Variants in CD164 observed in about 807,000 individuals in gnomAD.
The protein encoded by CD164 is sialomucin core protein 24.
A neutral mutation model predicts 24.6 loss-of-function variants in CD164; 11 were observed. That is an observed-to-expected ratio of 0.45 (90% CI 0.28 to 0.74). The LOEUF is 0.74. Ranked by LOEUF, CD164 falls within the 30% of genes least tolerant of loss-of-function variation. The probability of loss-of-function intolerance (pLI) is 0.13; values close to 1 mark genes in which losing one functional copy is unlikely to be tolerated. For missense variants in CD164, 295 were observed against 243.7 expected (o/e 1.21, Z -1.40); for synonymous variants, 126 against 100.3 (o/e 1.26, Z -1.53).
chr6:109,376,241 C>T (rs1302169682), intron 3 of CD164, 129 bp from the exon 4 acceptor site: 5 of 570,122 alleles, frequency 8.8e-6, no homozygotes, highest in African/African-American at 2.0e-5. Flanking sequence ...TTAAATACTA[C>T]CTGTGGAAGA....
At chr6:109,381,059 C>A (rs867342707) in intron 1 of CD164, among the ~76,000 whole-genome samples, 156 of 152,272 alleles carry the variant, frequency 1.0e-3, no homozygotes, top group African/African-American at 3.6e-3. Context: ...TGATAAAAAT[C>A]ATTACACTTC....
chr6:109,374,011 C>T (rs559781615), intron 4 of CD164, among the ~76,000 whole-genome samples: 1 of 152,208 alleles, frequency 6.6e-6, no homozygotes, highest in Admixed American at 6.5e-5. Flanking sequence ...TTGACTACTT[C>T]TTCCTTTGAA....
At chr6:109,381,474 T>C (rs1771738731) in intron 1 of CD164, 3 of 701,400 alleles carry the variant, frequency 4.3e-6, no homozygotes, top group Admixed American at 4.0e-5. Context: ...TCTCCGTCTC[T>C]GCATCTACCT....
intron 3 of CD164, among the ~76,000 whole-genome samples, 199 bp downstream of exon 3, chr6:109,377,701 A>T (rs1771492660): frequency 1.3e-5 from 2 of 151,858 alleles, no homozygotes; most frequent in Admixed American, 1.3e-4. Context: ...CAGCATCCAC[A>T]CTATAGCTAA....
chr6:109,379,256 T>C (rs1358823989), intron 2 of CD164, among the ~76,000 whole-genome samples: 1 of 152,180 alleles, frequency 6.6e-6, no homozygotes, highest in Non-Finnish European at 1.5e-5. Flanking sequence ...TCTGTAGTCT[T>C]GGCTACTAGG....
chr6:109,382,383 T>A lies in CD164; in HGVS notation c.-5A>T, dbSNP rs1771828958. On this transcript the variant is annotated 5_prime_UTR_variant, in exon 1 of 6. Coordinates refer to ENST00000310786, the MANE Select transcript of CD164 (RefSeq NM_006016.6). ...TGAGCGGGAGAGCCGCGACATCGTG[T>A]CCTCAGCGCTGGCGTTCGGGAGAAA... 1 of 1,526,768 alleles carries A rather than the reference T, an allele frequency of 6.5e-7. No individual in the cohort carries two copies. Among genetic ancestry groups the A allele is most frequent in the Non-Finnish European group, 8.8e-7 (1 of 1,140,938 alleles). 94.6% of individuals were successfully genotyped at this position (1,526,768 alleles called of 1,614,324 possible).
intron 3 of CD164, among the ~76,000 whole-genome samples, chr6:109,377,177 G>A (rs1316336410): frequency 6.6e-6 from 1 of 152,190 alleles, no homozygotes; most frequent in Non-Finnish European, 1.5e-5. Context: ...TATGCACCCT[G>A]TGTGAAGTAA....
intron 1 of CD164, chr6:109,381,693 A>G: frequency 1.5e-6 from 1 of 661,584 alleles, no homozygotes; most frequent in South Asian, 1.6e-5. Flanking sequence ...CAAGTCTGAG[A>G]CACGAACGAG....
Position 109,382,250 on chromosome 6 carries a change from G to A in CD164, c.129C>T (p.Thr43=), listed in dbSNP as rs1255240228. The change falls in exon 1 of 6, where the codon ACC becomes ACT. Residue 43 remains threonine (T), a synonymous_variant. Transcript: ENST00000310786. ...VTTLAPISNV[T]SAPVTSLPLV... ...GCGGGAGGGACGTCACCGGCGCCGAGGTTACGTTGGAGATGGGCGCTAAAG... is the reference window on the plus strand; with the variant it reads ...GCGGGAGGGACGTCACCGGCGCCGAAGTTACGTTGGAGATGGGCGCTAAAG... 5.0e-6 allele frequency: 8 copies of A among 1,588,448 alleles called. No individual in the cohort carries two copies. Among genetic ancestry groups the A allele is most frequent in the Non-Finnish European group, 5.1e-6 (6 of 1,170,304 alleles).
rs577281104 is a variant in CD164 at position 109,377,485 on chromosome 6, T to C, written c.331+415A>G. On this transcript the variant is annotated intron_variant, in intron 3 of 5. Transcript: ENST00000310786. ...TTAAAATACAGAAAATGGATGGGTA[T>C]AGAAAAGCTCATTTAACCACAGCAC... is the stretch of plus-strand genomic sequence containing the variant. 2.6e-5 allele frequency among the ~76,000 whole-genome samples: 4 copies of C among 152,212 alleles called. No individual in the cohort carries two copies. The East Asian group carries it at 5.8e-4, about 22-fold the overall frequency.
intron 5 of CD164, 55 bp downstream of exon 5, chr6:109,370,356 G>A (rs1771008754): frequency 7.3e-7 from 1 of 1,368,832 alleles, no homozygotes; most frequent in Non-Finnish European, 1.0e-6. Flanking sequence ...AAATTGTAAA[G>A]GGCAACATCG....
intron 4 of CD164, among the ~76,000 whole-genome samples, chr6:109,374,272 C>T (rs1771273130): frequency 6.6e-6 from 1 of 152,182 alleles, no homozygotes; most frequent in South Asian, 2.1e-4. Flanking sequence ...GAATACTGAA[C>T]AGATCCCACT....
In CD164 at chr6:109,368,700, G is replaced by A. The variant is rs983911630; in HGVS notation, c.*151C>T. ...ATGATTTAATTGATTTTTTCTTCAC[G>A]GATGATGCTCCCAAACATCCTATAT... On this transcript the variant is annotated 3_prime_UTR_variant, in exon 6 of 6. Transcript: ENST00000310786. 7.2e-6 allele frequency: 10 copies of A among 1,381,812 alleles called. No individual in the cohort carries two copies. Among genetic ancestry groups the A allele is most frequent in the Admixed American group, 7.0e-5 (2 of 28,556 alleles). The allele number at this position is 1,381,812 out of a possible 1,614,324, so 85.6% of individuals were successfully genotyped here.
chr6:109,377,607 CAT>C (rs1202114870), intron 3 of CD164, among the ~76,000 whole-genome samples: 1 of 147,498 alleles, frequency 6.8e-6, no homozygotes, highest in Non-Finnish European at 1.5e-5. Flanking sequence ...AAGATGCAAA[CAT>C]AGCGGCTAAA....
intron 4 of CD164, among the ~76,000 whole-genome samples, chr6:109,375,232 A>G (rs1215680766): frequency 1.3e-5 from 2 of 152,180 alleles, no homozygotes; most frequent in African/African-American, 2.4e-5. Context: ...AATTCCATGT[A>G]AGATGTTCAC....
intron 3 of CD164, 55 bp from the exon 4 acceptor site, chr6:109,376,167 A>G (rs1562240631): frequency 2.4e-6 from 3 of 1,252,592 alleles, no homozygotes; most frequent in East Asian, 5.1e-5. Flanking sequence ...TTAAAATATC[A>G]CAATCTATAA....
Position 109,367,993 on chromosome 6 carries a change from G to A in CD164, c.*858C>T. On this transcript the variant is annotated 3_prime_UTR_variant, in exon 6 of 6. Coordinates refer to ENST00000310786, the MANE Select transcript of CD164 (RefSeq NM_006016.6). The stretch of plus-strand genomic sequence containing the variant: ...ATGTTGGGAGGTTCAAGATACGAAG[G>A]CTTTCAATTCTGTATAACAGACTTT... The A allele has an allele frequency of 4.2e-6, 1 of 240,548 alleles. No homozygotes were observed. Among genetic ancestry groups the A allele is most frequent in the Non-Finnish European group, 8.0e-6 (1 of 125,476 alleles). 14.9% of individuals were successfully genotyped at this position (240,548 alleles called of 1,614,324 possible).
At chr6:109,382,091 C>T (rs1273791539) in intron 1 of CD164, 113 bp downstream of exon 1, 3 of 942,968 alleles carry the variant, frequency 3.2e-6, no homozygotes, top group African/African-American at 1.7e-5. Flanking sequence ...GCACCCCGAG[C>T]GCGGCCCGCC....
At position 109,368,615 on chromosome 6, in the gene CD164, T is replaced by C. The variant is rs1011645386; in HGVS notation, c.*236A>G. On this transcript the variant is annotated 3_prime_UTR_variant, in exon 6 of 6. Transcript: ENST00000310786. The stretch of plus-strand genomic sequence containing the variant: ...AAATATAATCCCACAGCAGCAGCTA[T>C]TTAAAATAAGACAGCCACAGGATTC... The C allele has an allele frequency of 1.5e-6, 2 of 1,351,026 alleles. No homozygotes were observed. The highest frequency in any genetic ancestry group is 1.9e-6 in the Non-Finnish European group (2 of 1,057,636). 83.7% of individuals were successfully genotyped at this position (1,351,026 alleles called of 1,614,324 possible).
Sources: allele counts gnomAD v4.1 joint callset (sites outside exome capture counted in the v4.1 genomes callset), GRCh38; gene constraint gnomAD v4.1.1; transcripts MANE v1.5; gene names NCBI Gene and HGNC (gene_info 2026-07-23, HGNC 2026-07-21).